The following NBAS variants were observed in gnomAD, a reference collection of about 807,000 sequenced individuals.
The protein encoded by NBAS is NBAS subunit of NRZ tethering complex, also known as NAG/BC035112 fusion.
A neutral mutation model predicts 302.5 loss-of-function variants in NBAS; 219 were observed. The observed-to-expected ratio is 0.72, with a 90% CI of 0.65 to 0.81. The LOEUF is 0.81. Ranked by LOEUF, NBAS falls within the 30% of genes least tolerant of loss-of-function variation. The pLI, the probability that NBAS is intolerant of heterozygous loss-of-function variation, is 0.00. For synonymous variants in NBAS, 1,118 were observed against 1,021.6 expected, an observed-to-expected ratio of 1.09 and a Z score of -1.80; for missense variants, 2,932 against 2,841.6, an observed-to-expected ratio of 1.03 and a Z score of -0.72.
the NBAS span, among the ~76,000 whole-genome samples, chr2:14,788,768 C>T: frequency 4.6e-5 from 7 of 152,176 alleles, no homozygotes; most frequent in South Asian, 2.1e-4. Context: ...TTAGGCTGCT[C>T]GGGGGTCAGG....
intron 19 of NBAS, among the ~76,000 whole-genome samples, chr2:15,462,778 T>G (rs1160664665): frequency 6.6e-6 from 1 of 152,088 alleles, no homozygotes; most frequent in Non-Finnish European, 1.5e-5. Flanking sequence ...ATATATGGCA[T>G]AGGGCTATTA....
Position 15,461,252 on chromosome 2 carries a change from A to T in NBAS, c.2288T>A (p.Phe763Tyr). ...LPHRLAILSN[F>Y]PETTSPHEYS... ...TTCATGTGGAGAAGTGGTCTCTGGA[A>T]AGTTGGACAGAATTGCAAGGCGATG... The change falls in exon 21 of 52, where the codon TTT becomes TAT. Residue 763 changes from phenylalanine (F) to tyrosine (Y), a missense_variant. Transcript: ENST00000281513. 1 of 1,613,892 alleles carries T rather than the reference A, an allele frequency of 6.2e-7. No homozygotes were observed. Among genetic ancestry groups the T allele is most frequent in the Non-Finnish European group, 8.5e-7 (1 of 1,179,842 alleles).
At chr2:15,361,328 C>A (rs1374621372) in intron 32 of NBAS, among the ~76,000 whole-genome samples, 1 of 152,110 alleles carries the variant, frequency 6.6e-6, no homozygotes, top group Non-Finnish European at 1.5e-5. Context: ...GCCTGGCCAA[C>A]ATGGTGAAAT....
intron 19 of NBAS, among the ~76,000 whole-genome samples, chr2:15,466,855 T>G (rs1037950461): frequency 4.0e-5 from 6 of 150,722 alleles, no homozygotes; most frequent in African/African-American, 1.5e-4. Context: ...GAGAATCGCC[T>G]GAACCCAGGA....
At chr2:14,829,608 C>A in the NBAS span, among the ~76,000 whole-genome samples, 1 of 152,182 alleles carries the variant, frequency 6.6e-6, no homozygotes, top group Non-Finnish European at 1.5e-5. Flanking sequence ...TACCTTCCCA[C>A]CACACTGTGC....
the NBAS span, among the ~76,000 whole-genome samples, chr2:15,035,383 G>A: frequency 6.6e-6 from 1 of 152,158 alleles, no homozygotes; most frequent in Non-Finnish European, 1.5e-5. Flanking sequence ...TTTCTTCTTA[G>A]TGTTGGTGGG....
intron 51 of NBAS, among the ~76,000 whole-genome samples, chr2:15,173,216 G>A (rs533886434): frequency 6.6e-6 from 1 of 152,232 alleles, no homozygotes; most frequent in South Asian, 2.1e-4. Flanking sequence ...ATCTATTAAA[G>A]CACAAAGCAC....
At chr2:15,524,372 T>C (rs764944786) in intron 9 of NBAS, among the ~76,000 whole-genome samples, 4 of 152,218 alleles carry the variant, frequency 2.6e-5, no homozygotes, top group Admixed American at 6.5e-5. Flanking sequence ...GCAGATGTTC[T>C]TGAGTAAATG....
rs115716619 is a variant in NBAS, at chr2:15,312,493, T to A, written c.4583-3246A>T. On this transcript the variant is annotated intron_variant, in intron 38 of 51. Transcript: ENST00000281513. ...AGTATTTTCATGGTGCCCAAGCTGG[T>A]CTTGAACTGATGGCCTCAAGTGATC... 2.3e-3 allele frequency among the ~76,000 whole-genome samples: 357 copies of A among 152,222 alleles called. 1 individual carries two copies. Among genetic ancestry groups the A allele is most frequent in the Middle Eastern group, 0.01 (3 of 294 alleles).
At chr2:15,403,784 C>G (rs1163842839) in intron 25 of NBAS, among the ~76,000 whole-genome samples, 1 of 151,652 alleles carries the variant, frequency 6.6e-6, no homozygotes, top group African/African-American at 2.4e-5. Context: ...AAAATAGGAA[C>G]AAGCTGACAG....
chr2:14,828,575 T>C, the NBAS span, among the ~76,000 whole-genome samples: 1 of 152,112 alleles, frequency 6.6e-6, no homozygotes, highest in Non-Finnish European at 1.5e-5. Context: ...AAGATTTAAT[T>C]AACACATACA....
chr2:15,342,987 A>T (rs999503947), intron 35 of NBAS, among the ~76,000 whole-genome samples: 5 of 151,862 alleles, frequency 3.3e-5, no homozygotes, highest in Non-Finnish European at 7.4e-5. Context: ...AAAAAAAATC[A>T]AAGGACACCC....
chr2:15,330,848 A>G, intron 35 of NBAS, 83 bp from the exon 36 acceptor site: 1 of 1,399,312 alleles, frequency 7.1e-7, no homozygotes. Context: ...ACTGCTTAAA[A>G]TGATCAGATA....
chr2:14,908,082 G>A, the NBAS span, among the ~76,000 whole-genome samples: 1 of 152,160 alleles, frequency 6.6e-6, no homozygotes, highest in Non-Finnish European at 1.5e-5. Flanking sequence ...AAGTACAGGG[G>A]GCCAGGCGCA....
chr2:15,556,724 A>C, intron 3 of NBAS, 59 bp downstream of exon 3: 1 of 1,424,840 alleles, frequency 7.0e-7, no homozygotes, highest in African/African-American at 1.4e-5. Flanking sequence ...AATCATATAT[A>C]GAACAATATT....
the NBAS span, among the ~76,000 whole-genome samples, chr2:15,013,062 T>C: frequency 1.3e-5 from 2 of 152,222 alleles, no homozygotes; most frequent in East Asian, 1.9e-4. Flanking sequence ...TTTCACCATG[T>C]TGGCCAGGTT....
At chr2:15,114,039 T>A in the NBAS span, among the ~76,000 whole-genome samples, 2 of 152,128 alleles carry the variant, frequency 1.3e-5, no homozygotes, top group Non-Finnish European at 2.9e-5. Context: ...TATGATTAAG[T>A]TCTAGATCCA....
the NBAS span, among the ~76,000 whole-genome samples, chr2:15,077,782 C>T: frequency 2.0e-5 from 3 of 151,580 alleles, no homozygotes; most frequent in Non-Finnish European, 4.4e-5. Context: ...CTCAAGGGTT[C>T]AAGTGATTCT....
chr2:15,121,344 T>C, the NBAS span, among the ~76,000 whole-genome samples: 147,853 of 152,284 alleles, frequency 0.97, 71,812 homozygotes, highest in East Asian at 1. Context: ...CTGGTGGGAC[T>C]TCAGGGAACA....
Sources: allele counts gnomAD v4.1 joint callset (sites outside exome capture counted in the v4.1 genomes callset), GRCh38; gene constraint gnomAD v4.1.1; transcripts MANE v1.5; gene names NCBI Gene and HGNC (gene_info 2026-07-23, HGNC 2026-07-21).